The following EEPD1 variants were observed in gnomAD, a reference collection of about 807,000 sequenced individuals.
EEPD1 encodes endonuclease/exonuclease/phosphatase family domain-containing protein 1.
A neutral mutation model predicts 46.3 loss-of-function variants in EEPD1; 17 were observed. That is an observed-to-expected ratio of 0.37 (90% confidence interval 0.25 to 0.55). The LOEUF (loss-of-function observed/expected upper bound fraction) is 0.55. Among genes scored for constraint, EEPD1 ranks in the 20% least tolerant of loss-of-function variants. The pLI, the probability that EEPD1 is intolerant of heterozygous loss-of-function variation, is 0.83. For synonymous variants in EEPD1, 313 were observed against 315.6 expected (o/e 0.99, Z 0.09); for missense variants, 673 against 745.6 (o/e 0.90, Z 1.13).
At chr7:36,166,515 G>GTTTGAGA (rs948746982) in intron 2 of EEPD1, among the ~76,000 whole-genome samples, 23 of 152,188 alleles carry the variant, frequency 1.5e-4, no homozygotes, top group African/African-American at 5.3e-4. Flanking sequence ...GAGCTTGGGA[G>GTTTGAGA]TTTGAGACTA....
At chr7:36,296,030 CAAAA>C (rs34494609) in intron 6 of EEPD1, among the ~76,000 whole-genome samples, 5 of 71,950 alleles carry the variant, frequency 6.9e-5, no homozygotes, top group African/African-American at 2.5e-4. Context: ...GACTGTCTCA[CAAAA>C]AAAAAAAAAA....
intron 2 of EEPD1, among the ~76,000 whole-genome samples, chr7:36,156,213 C>T (rs1784822981): frequency 6.6e-6 from 1 of 152,090 alleles, no homozygotes; most frequent in Admixed American, 6.5e-5. Flanking sequence ...ACGAAGTGAA[C>T]TCTCAGCGGG....
At chr7:36,233,975 T>G (rs1786382499) in intron 2 of EEPD1, among the ~76,000 whole-genome samples, 1 of 152,218 alleles carries the variant, frequency 6.6e-6, no homozygotes, top group African/African-American at 2.4e-5. Context: ...CTGGAGTGCC[T>G]GGTGTCATCT....
intron 6 of EEPD1, among the ~76,000 whole-genome samples, chr7:36,294,730 T>C (rs1173282907): frequency 6.6e-6 from 1 of 152,216 alleles, no homozygotes; most frequent in Non-Finnish European, 1.5e-5. Context: ...AGGGTTAATA[T>C]GTTTTTATAT....
rs553851132 is a variant in EEPD1 at position 36,263,344 on chromosome 7, G to A, written c.931-17771G>A. 7.8e-4 allele frequency among the ~76,000 whole-genome samples: 119 copies of A among 152,152 alleles called. No individual in the cohort carries two copies. In the East Asian group the frequency reaches 0.017, roughly 21 times the overall value. On this transcript the variant is annotated intron_variant, in intron 3 of 7. Transcript: ENST00000242108. ...ACACCCTGTCTCAAGGGAGGGGGGG[G>A]AAAAAGCAGAGTTAATTAGGTTTGA... is the stretch of plus-strand genomic sequence containing the variant.
intron 2 of EEPD1, among the ~76,000 whole-genome samples, chr7:36,182,895 T>C (rs564685358): frequency 1.3e-5 from 2 of 152,250 alleles, no homozygotes; most frequent in Non-Finnish European, 2.9e-5. Flanking sequence ...TTCAGGCTCT[T>C]TAGGGTATCT....
intron 2 of EEPD1, among the ~76,000 whole-genome samples, chr7:36,219,285 A>G (rs1195000297): frequency 2.0e-5 from 3 of 151,932 alleles, no homozygotes; most frequent in African/African-American, 4.8e-5. Context: ...TAGGAACAAA[A>G]GAGCAACTAG....
At position 36,298,812 on chromosome 7, in the gene EEPD1, AT is replaced by A. The variant is rs1434071844; in HGVS notation, c.1511-194del. Among the ~76,000 whole-genome samples, 6 of 152,188 alleles carry A rather than the reference AT, an allele frequency of 3.9e-5. No individual in the cohort carries two copies. The East Asian group carries it at 1.2e-3, about 29-fold the overall frequency. ...TGCCTAAATGCAGAAACTCTCCTTT[AT>A]GTGGAAAATCAAACTGGCCGAGACC... On this transcript the variant is annotated intron_variant, in intron 7 of 7. Transcript: ENST00000242108.
At chr7:36,183,706 G>T (rs1785312181) in intron 2 of EEPD1, among the ~76,000 whole-genome samples, 1 of 151,778 alleles carries the variant, frequency 6.6e-6, no homozygotes, top group Non-Finnish European at 1.5e-5. Context: ...TGGAGATGGT[G>T]TCTTACTTTG....
chr7:36,155,672 A>G (rs1325944334), intron 2 of EEPD1, among the ~76,000 whole-genome samples: 1 of 152,240 alleles, frequency 6.6e-6, no homozygotes, highest in Non-Finnish European at 1.5e-5. Flanking sequence ...AACACATACA[A>G]GTGTCTATAT....
At chr7:36,189,071 A>G (rs1465736809) in intron 2 of EEPD1, among the ~76,000 whole-genome samples, 1 of 152,196 alleles carries the variant, frequency 6.6e-6, no homozygotes, top group Non-Finnish European at 1.5e-5. Flanking sequence ...AACCAGCACC[A>G]TTGAGACATT....
At chr7:36,240,393 T>A (rs1786537239) in intron 3 of EEPD1, among the ~76,000 whole-genome samples, 1 of 152,214 alleles carries the variant, frequency 6.6e-6, no homozygotes, top group Admixed American at 6.5e-5. Context: ...TGCTTTGGAT[T>A]TGATGTCCCC....
At chr7:36,269,032 G>A (rs763773595) in intron 3 of EEPD1, among the ~76,000 whole-genome samples, 4 of 152,194 alleles carry the variant, frequency 2.6e-5, no homozygotes, top group Admixed American at 1.3e-4. Context: ...AGAAATCTGA[G>A]TGATGGCAGT....
At chr7:36,254,294 A>G (rs1471932194) in intron 3 of EEPD1, among the ~76,000 whole-genome samples, 1 of 152,094 alleles carries the variant, frequency 6.6e-6, no homozygotes, top group African/African-American at 2.4e-5. Context: ...CGACTCCCTG[A>G]CAGGCCCCAG....
At chr7:36,223,551 C>G (rs1157296206) in intron 2 of EEPD1, among the ~76,000 whole-genome samples, 1 of 152,096 alleles carries the variant, frequency 6.6e-6, no homozygotes, top group Admixed American at 6.5e-5. Flanking sequence ...GTGTTGAGAA[C>G]TATGCCAGGC....
chr7:36,198,974 A>G (rs1458869921), intron 2 of EEPD1, among the ~76,000 whole-genome samples: 1 of 151,970 alleles, frequency 6.6e-6, no homozygotes, highest in African/African-American at 2.4e-5. Flanking sequence ...CACCGAGGAG[A>G]ACCAGAAAGA....
intron 2 of EEPD1, among the ~76,000 whole-genome samples, chr7:36,162,851 C>T (rs188958932): frequency 2.6e-5 from 4 of 152,266 alleles, no homozygotes; most frequent in Admixed American, 2.6e-4. Context: ...AAATGCAGTG[C>T]TTAAGCGACA....
intron 2 of EEPD1, among the ~76,000 whole-genome samples, chr7:36,203,854 G>C (rs1785762584): frequency 6.6e-6 from 1 of 152,088 alleles, no homozygotes; most frequent in South Asian, 2.1e-4. Flanking sequence ...AATAGCTGCT[G>C]TTAGTGCCTC....
chr7:36,161,493 A>G (rs4720197), intron 2 of EEPD1, among the ~76,000 whole-genome samples: 43,173 of 151,778 alleles, frequency 0.28, 6,287 homozygotes, highest in Middle Eastern at 0.33. Flanking sequence ...GTGTAGTGGC[A>G]TAGTGACAAT....
Sources: gnomAD v4.1 joint callset for allele counts (sites outside exome capture counted in the v4.1 genomes callset) on GRCh38, gnomAD v4.1.1 for gene constraint, MANE v1.5 for transcripts, NCBI Gene and HGNC (gene_info 2026-07-23, HGNC 2026-07-21) for gene names.